The following ERCC6L2 variants were observed in gnomAD, a reference collection of about 807,000 sequenced individuals.
The protein encoded by ERCC6L2 is DNA excision repair protein ERCC-6-like 2.
ERCC6L2 carries 77 observed loss-of-function variants against 132.0 expected under a neutral mutation model. That is an observed-to-expected ratio of 0.58 (90% CI 0.49 to 0.71). The LOEUF (loss-of-function observed/expected upper bound fraction) is 0.71. ERCC6L2 is among the 30% of genes least tolerant of loss of function. ERCC6L2 has a pLI of 0.00. For missense variants in ERCC6L2, 1,542 were observed against 1,837.6 expected (o/e 0.84, Z 2.94); for synonymous variants, 583 against 632.4 (o/e 0.92, Z 1.17).
In ERCC6L2 at chr9:96,012,678, C is replaced by A. The variant is rs146904029; in HGVS notation, c.4128C>A (p.Ser1376=). The A allele has an allele frequency of 9.4e-5, 128 of 1,367,408 alleles. No homozygotes were observed. In the African/African-American group the frequency reaches 1.5e-3, roughly 16 times the overall value. The allele number at this position is 1,367,408 out of a possible 1,614,324, so 84.7% of individuals were successfully genotyped here. ...ACAGTGGGAAAAACAGCCAGGCATC[C>A]GAAGATACTGTGACATCCCGTTCTC... ...EIDSGKNSQA[S]EDTVTSRSLN... is the part of the protein sequence containing the mutation. The change falls in exon 19 of 19, where the codon TCC becomes TCA. Residue 1376 remains serine (S), a synonymous_variant. Coordinates refer to ENST00000653738, the MANE Select transcript of ERCC6L2 (RefSeq NM_020207.7).
At position 96,018,239 on chromosome 9, in the gene ERCC6L2, A is replaced by T. The variant is rs1834222326; in HGVS notation, c.*5036A>T. Among the ~76,000 whole-genome samples the T allele has an allele frequency of 6.6e-6, 1 of 152,216 alleles. No homozygotes were observed. Among genetic ancestry groups the T allele is most frequent in the South Asian group, 2.1e-4 (1 of 4,836 alleles). ...AAGTCATTAAAATGCTAAATTTTGT[A>T]TGTGTTTTACAATTTTAAAAATGGA... On this transcript the variant is annotated 3_prime_UTR_variant, in exon 19 of 19. Coordinates refer to ENST00000653738, the MANE Select transcript of ERCC6L2 (RefSeq NM_020207.7).
rs1031570333 is a variant in ERCC6L2 at position 96,016,439 on chromosome 9, C to G, written c.*3236C>G. 2.6e-5 allele frequency among the ~76,000 whole-genome samples: 4 copies of G among 152,218 alleles called. No individual in the cohort carries two copies. The highest frequency in any genetic ancestry group is 5.9e-5 in the Non-Finnish European group (4 of 68,044). Reference sequence around the variant, plus strand: ...ATGATACCGTTTCTGGCTGAACACTCACCACACAGCTATTAATATTGGAAA... The same window carrying G: ...ATGATACCGTTTCTGGCTGAACACTGACCACACAGCTATTAATATTGGAAA... On this transcript the variant is annotated 3_prime_UTR_variant, in exon 19 of 19. Coordinates refer to ENST00000653738, the MANE Select transcript of ERCC6L2 (RefSeq NM_020207.7).
intron 3 of ERCC6L2, chr9:95,906,612 G>C (rs775651244): frequency 4.4e-6 from 2 of 453,936 alleles, no homozygotes; most frequent in Non-Finnish European, 8.8e-6. Flanking sequence ...CTTTAACTGA[G>C]AGTATCTGAA....
intron 4 of ERCC6L2, among the ~76,000 whole-genome samples, chr9:95,913,484 CTCTTTCTT>C (rs994446811): frequency 1.3e-5 from 2 of 152,030 alleles, no homozygotes; most frequent in South Asian, 2.1e-4. Context: ...CTCTCTTTCT[CTCTTTCTT>C]TCTTTCTGAA....
chr9:95,963,359 A>G (rs1272470724), intron 13 of ERCC6L2, among the ~76,000 whole-genome samples: 1 of 151,984 alleles, frequency 6.6e-6, no homozygotes, highest in Non-Finnish European at 1.5e-5. Flanking sequence ...TAGACTTCTC[A>G]TCAGTATGTA....
chr9:95,955,044 C>T, intron 12 of ERCC6L2: 1 of 369,944 alleles, frequency 2.7e-6, no homozygotes, highest in African/African-American at 2.1e-5. Flanking sequence ...CCCCGGTTCC[C>T]CTCAGCAACT....
At chr9:96,031,875 G>A (rs961374409) in intron 19 of ERCC6L2, among the ~76,000 whole-genome samples, 3 of 152,278 alleles carry the variant, frequency 2.0e-5, no homozygotes, top group African/African-American at 4.8e-5. Context: ...CTGAGTGGCC[G>A]TCCTGAGTCC....
intron 17 of ERCC6L2, among the ~76,000 whole-genome samples, chr9:95,989,236 T>C (rs2133151460): frequency 6.6e-6 from 1 of 152,316 alleles, no homozygotes; most frequent in East Asian, 1.9e-4. Flanking sequence ...CCATTGGTGA[T>C]CAGCTTAACC....
chr9:95,970,981 A>C (rs1364815122), intron 15 of ERCC6L2, among the ~76,000 whole-genome samples: 1 of 152,172 alleles, frequency 6.6e-6, no homozygotes, highest in Non-Finnish European at 1.5e-5. Context: ...TGGAAAAATC[A>C]CCATCAATGT....
At chr9:95,969,860 G>A (rs1232779859) in intron 14 of ERCC6L2, among the ~76,000 whole-genome samples, 1 of 152,140 alleles carries the variant, frequency 6.6e-6, no homozygotes, top group Non-Finnish European at 1.5e-5. Context: ...TGTAACTCTA[G>A]TGATGGTAGT....
intron 11 of ERCC6L2, among the ~76,000 whole-genome samples, chr9:95,936,843 A>G (rs749130153): frequency 6.6e-6 from 1 of 152,186 alleles, no homozygotes; most frequent in Non-Finnish European, 1.5e-5. Flanking sequence ...TTAGAACAAC[A>G]TAATCAAGAA....
At chr9:96,030,712 A>AAG (rs1442394488) in intron 19 of ERCC6L2, among the ~76,000 whole-genome samples, 3 of 151,548 alleles carry the variant, frequency 2.0e-5, no homozygotes, top group Non-Finnish European at 2.9e-5. Flanking sequence ...AAAAAAAAAA[A>AAG]AAAAAAAAGC....
intron 12 of ERCC6L2, among the ~76,000 whole-genome samples, chr9:95,945,644 T>C (rs1289249904): frequency 6.6e-6 from 1 of 152,230 alleles, no homozygotes; most frequent in East Asian, 1.9e-4. Flanking sequence ...AACTAATAAA[T>C]GTCCATGAAA....
intron 19 of ERCC6L2, among the ~76,000 whole-genome samples, chr9:96,023,613 T>C (rs1289675395): frequency 6.6e-6 from 1 of 152,212 alleles, no homozygotes; most frequent in African/African-American, 2.4e-5. Context: ...TCAGTGCTAT[T>C]TCCGAATGGA....
At chr9:95,903,067 C>A (rs938238442) in intron 3 of ERCC6L2, among the ~76,000 whole-genome samples, 1 of 151,996 alleles carries the variant, frequency 6.6e-6, no homozygotes, top group Non-Finnish European at 1.5e-5. Context: ...TAAATACATT[C>A]ATTCATGGTT....
chr9:95,987,805 C>T (rs963420095), intron 17 of ERCC6L2, among the ~76,000 whole-genome samples: 1 of 152,206 alleles, frequency 6.6e-6, no homozygotes, highest in Admixed American at 6.5e-5. Context: ...TCTGCACTGC[C>T]CTAGCAGAGA....
At chr9:96,005,174 G>A (rs1460632003) in intron 18 of ERCC6L2, among the ~76,000 whole-genome samples, 7 of 152,090 alleles carry the variant, frequency 4.6e-5, no homozygotes, top group African/African-American at 2.4e-5. Context: ...TTAGCCGGGC[G>A]TGGTGGCGGG....
rs1832454354 is a variant in ERCC6L2, at chr9:95,972,355, G to A, written c.2604G>A (p.Lys868=). ...AGCATATTTTTTATAAAAGTGAGAAGATTTTAGAACAGAATATTTCTTCCA... is the reference window on the plus strand; with the variant it reads ...AGCATATTTTTTATAAAAGTGAGAAAATTTTAGAACAGAATATTTCTTCCA... ...KEKHIFYKSE[K]ILEQNISSKS... is the part of the protein sequence containing the mutation. Residue 868 remains lysine (K), a synonymous_variant, in exon 16 of 19, where the codon AAG becomes AAA. Coordinates refer to ENST00000653738, the MANE Select transcript of ERCC6L2 (RefSeq NM_020207.7). 2 of 1,284,696 alleles carry A rather than the reference G, an allele frequency of 1.6e-6. No homozygotes were observed. Among genetic ancestry groups the A allele is most frequent in the Admixed American group, 4.9e-5 (2 of 40,412 alleles). The allele number at this position is 1,284,696 out of a possible 1,614,324, so 79.6% of individuals were successfully genotyped here.
intron 12 of ERCC6L2, among the ~76,000 whole-genome samples, chr9:95,954,073 A>G (rs920465318): frequency 1.3e-5 from 2 of 152,188 alleles, no homozygotes; most frequent in African/African-American, 2.4e-5. Context: ...GATAGGCACT[A>G]TTATACCCAT....
Sources: allele counts gnomAD v4.1 joint callset (sites outside exome capture counted in the v4.1 genomes callset), GRCh38; gene constraint gnomAD v4.1.1; transcripts MANE v1.5; gene names NCBI Gene and HGNC (gene_info 2026-07-23, HGNC 2026-07-21).